STAB2: variants seen among roughly 807,000 people sequenced by gnomAD.
STAB2 encodes the protein stabilin-2.
Under a neutral mutation model 338.1 loss-of-function variants are expected in STAB2, and 288 were observed. The ratio of observed to expected loss-of-function variants is 0.85; its 90% CI spans 0.77 to 0.94. The LOEUF (loss-of-function observed/expected upper bound fraction) is 0.94, where lower values mean the gene tolerates loss of function less well. Among genes scored for constraint, STAB2 ranks in the 40% least tolerant of loss-of-function variants. The probability of loss-of-function intolerance (pLI) is 0.00; values close to 1 mark genes in which losing one functional copy is unlikely to be tolerated. For synonymous variants in STAB2, 1,202 were observed against 1,193.3 expected (o/e 1.01, Z -0.15); for missense variants, 3,141 against 3,210.1 (o/e 0.98, Z 0.52).
Position 103,713,638 on chromosome 12 carries a change from T to C in STAB2, c.4412-5T>C, listed in dbSNP as rs763439935. 2 of 1,613,784 alleles carry C rather than the reference T, an allele frequency of 1.2e-6. No individual in the cohort carries two copies. Among genetic ancestry groups the C allele is most frequent in the Non-Finnish European group, 8.5e-7 (1 of 1,179,746 alleles). On this transcript the variant is annotated splice_region_variant and splice_polypyrimidine_tract_variant and intron_variant, in intron 41 of 68. Transcript: ENST00000388887. ...TCCCCTTCTGCTCTGTGTCATCTTCTATAGCAATCAATGCCTGTGAGATCA... is the reference window on the plus strand; with the variant it reads ...TCCCCTTCTGCTCTGTGTCATCTTCCATAGCAATCAATGCCTGTGAGATCA...
At chr12:103,594,613 C>A in intron 3 of STAB2, 103 bp downstream of exon 3, 1 of 920,318 alleles carries the variant, frequency 1.1e-6, no homozygotes. Context: ...TGTTAACATC[C>A]GTTTGTAGAA....
chr12:103,690,089 C>G (rs1412442859), intron 29 of STAB2, 107 bp downstream of exon 29: 1 of 1,459,404 alleles, frequency 6.9e-7, no homozygotes, highest in East Asian at 2.3e-5. Context: ...ATTCGTGGAG[C>G]TGAACATGTT....
At chr12:103,600,918 T>G (rs12367313) in intron 3 of STAB2, among the ~76,000 whole-genome samples, 48,653 of 151,746 alleles carry the variant, frequency 0.32, 9,945 homozygotes, top group African/African-American at 0.58. Flanking sequence ...TTCACTTTCT[T>G]GTGAAAATAT....
At chr12:103,741,950 G>T (rs1214358450) in intron 55 of STAB2, among the ~76,000 whole-genome samples, 1 of 152,148 alleles carries the variant, frequency 6.6e-6, no homozygotes, top group Non-Finnish European at 1.5e-5. Flanking sequence ...CTAAAGTGTG[G>T]ACCATTCATG....
intron 10 of STAB2, among the ~76,000 whole-genome samples, chr12:103,649,055 G>C (rs1873543701): frequency 6.6e-6 from 1 of 152,180 alleles, no homozygotes. Flanking sequence ...GAGAGCTGAG[G>C]ACAGGGTTTG....
intron 66 of STAB2, among the ~76,000 whole-genome samples, chr12:103,761,754 T>A (rs1396753213): frequency 6.6e-6 from 1 of 152,228 alleles, no homozygotes; most frequent in Non-Finnish European, 1.5e-5. Flanking sequence ...TTTTCTCATC[T>A]GCAAAATGGG....
chr12:103,618,991 G>A (rs1325376849), intron 3 of STAB2, among the ~76,000 whole-genome samples: 3 of 152,122 alleles, frequency 2.0e-5, no homozygotes, highest in Non-Finnish European at 4.4e-5. Context: ...CCCTGCACAT[G>A]CCCTCTTGCC....
intron 13 of STAB2, 83 bp from the exon 14 acceptor site, chr12:103,655,168 A>G (rs1454448058): frequency 7.8e-7 from 1 of 1,287,592 alleles, no homozygotes; most frequent in South Asian, 1.3e-5. Context: ...AAACTCTGTC[A>G]TCAGTCTTTA....
intron 19 of STAB2, 65 bp from the exon 20 acceptor site, chr12:103,668,578 G>T: frequency 7.3e-7 from 1 of 1,375,332 alleles, no homozygotes; most frequent in Non-Finnish European, 1.0e-6. Flanking sequence ...TCTGCAGAGG[G>T]TGTGCAGTGC....
At position 103,726,240 on chromosome 12, in the gene STAB2, A is replaced by G. The variant is rs1239461151; in HGVS notation, c.4851+77A>G. The stretch of plus-strand genomic sequence containing the variant: ...GCAGTGGCTCACACCTGTAATTCCA[A>G]CACTTTGGGAGGCCAAGGCGGGCAG... On this transcript the variant is annotated intron_variant, in intron 46 of 68. Coordinates refer to ENST00000388887, the MANE Select transcript of STAB2 (RefSeq NM_017564.10). 6.6e-6 allele frequency: 10 copies of G among 1,514,820 alleles called. No individual in the cohort carries two copies. The African/African-American group carries it at 9.6e-5, about 15-fold the overall frequency. 93.8% of individuals were successfully genotyped at this position (1,514,820 alleles called of 1,614,324 possible).
At chr12:103,587,694 A>C (rs917974976) in intron 1 of STAB2, 137 bp downstream of exon 1, 3 of 734,844 alleles carry the variant, frequency 4.1e-6, no homozygotes, top group African/African-American at 1.8e-5. Context: ...TTGGAGACTA[A>C]GTCCTAATTG....
chr12:103,631,602 C>T lies in STAB2; in HGVS notation c.492C>T (p.Cys164=). ...TCCCCCACTTTCTGTCTCCAGTGTG[C>T]AACTGTGTGCATGGGGTGTGCAACA... The part of the protein sequence containing the change: ...NLFGPSCSSV[C]NCVHGVCNSG... The change falls in exon 6 of 69, where the codon TGC becomes TGT. Residue 164 remains cysteine, a synonymous_variant. Transcript: ENST00000388887. 2 of 1,614,026 alleles carry T rather than the reference C, an allele frequency of 1.2e-6. No individual in the cohort carries two copies. The highest frequency in any genetic ancestry group is 1.7e-6 in the Non-Finnish European group (2 of 1,179,926).
At chr12:103,756,657 A>G (rs1362879248) in intron 63 of STAB2, among the ~76,000 whole-genome samples, 2 of 152,158 alleles carry the variant, frequency 1.3e-5, no homozygotes, top group Non-Finnish European at 2.9e-5. Context: ...CGAGTACGGA[A>G]CAAGGACAGC....
Position 103,637,181 on chromosome 12 carries a change from C to A in STAB2, c.654C>A (p.Asn218Lys), listed in dbSNP as rs780894811. Reference sequence around the variant, plus strand: ...GTTCGCCTTCCACTGAAGATGAAAACAAACTGGAATGCAAATGCCTTCCCA... The same window carrying A: ...GTTCGCCTTCCACTGAAGATGAAAAAAAACTGGAATGCAAATGCCTTCCCA... ...SRCSPSTEDE[N>K]KLECKCLPNY... The change falls in exon 7 of 69, where the codon AAC becomes AAA. Residue 218 changes from asparagine to lysine, a missense_variant. Coordinates refer to ENST00000388887, the MANE Select transcript of STAB2 (RefSeq NM_017564.10). The A allele has an allele frequency of 1.2e-6, 2 of 1,612,936 alleles. No homozygotes were observed. Among genetic ancestry groups the A allele is most frequent in the Non-Finnish European group, 8.5e-7 (1 of 1,179,662 alleles).
intron 3 of STAB2, among the ~76,000 whole-genome samples, chr12:103,600,771 G>A (rs532030558): frequency 2.5e-3 from 234 of 94,154 alleles, no homozygotes; most frequent in African/African-American, 0.015. Context: ...GCTCAAGAAA[G>A]CCCCCAGGAG....
intron 36 of STAB2, 77 bp downstream of exon 36, chr12:103,704,691 T>C: frequency 1.6e-6 from 2 of 1,285,872 alleles, no homozygotes; most frequent in Non-Finnish European, 1.1e-6. Flanking sequence ...CTCAAGATTA[T>C]GTGATTTGCA....
chr12:103,714,824 A>T (rs1395004079), intron 42 of STAB2, among the ~76,000 whole-genome samples: 1 of 152,234 alleles, frequency 6.6e-6, no homozygotes, highest in Non-Finnish European at 1.5e-5. Flanking sequence ...TTTCCTAAGA[A>T]TAAGGATAGC....
At chr12:103,620,737 C>T (rs555517709) in intron 4 of STAB2, among the ~76,000 whole-genome samples, 184 bp downstream of exon 4, 2 of 152,162 alleles carry the variant, frequency 1.3e-5, no homozygotes, top group South Asian at 4.1e-4. Context: ...ACAAAATGAC[C>T]ATTTATAGCC....
intron 52 of STAB2, among the ~76,000 whole-genome samples, chr12:103,736,699 C>G (rs1482012539): frequency 6.6e-6 from 1 of 152,046 alleles, no homozygotes; most frequent in African/African-American, 2.4e-5. Context: ...GTGAAAAAAA[C>G]AATGAACCTC....
Sources: allele counts gnomAD v4.1 joint callset (sites outside exome capture counted in the v4.1 genomes callset), GRCh38; gene constraint gnomAD v4.1.1; transcripts MANE v1.5; gene names NCBI Gene and HGNC (gene_info 2026-07-23, HGNC 2026-07-21).